Variants in ANTXR1 observed in about 807,000 individuals in gnomAD.
ANTXR1 encodes ANTXR cell adhesion molecule 1.
A neutral mutation model predicts 78.1 loss-of-function variants in ANTXR1; 19 were observed. That is an observed-to-expected ratio of 0.24 (90% CI 0.17 to 0.36). The LOEUF is 0.36. Among genes scored for constraint, ANTXR1 ranks in the 10% least tolerant of loss-of-function variants. The pLI, the probability that ANTXR1 is intolerant of heterozygous loss-of-function variation, is 1.00. For missense variants in ANTXR1, 518 were observed against 718.6 expected (o/e 0.72, Z 3.19); for synonymous variants, 273 against 260.5 (o/e 1.05, Z -0.46).
chr2:69,045,800 C>A (rs903078099), intron 3 of ANTXR1, among the ~76,000 whole-genome samples: 1 of 152,018 alleles, frequency 6.6e-6, no homozygotes, highest in Non-Finnish European at 1.5e-5. Flanking sequence ...ACTCCTTCAA[C>A]CTGATCTACT....
chr2:69,148,718 T>A (rs1289967688), intron 12 of ANTXR1, among the ~76,000 whole-genome samples: 1 of 152,210 alleles, frequency 6.6e-6, no homozygotes, highest in Non-Finnish European at 1.5e-5. Flanking sequence ...TCATTATTCT[T>A]ATTCCACCAA....
chr2:69,100,509 A>T (rs1047968138), intron 9 of ANTXR1, among the ~76,000 whole-genome samples: 1 of 152,214 alleles, frequency 6.6e-6, no homozygotes, highest in African/African-American at 2.4e-5. Context: ...CCAAGCAGAC[A>T]TGCAGGCAGC....
intron 17 of ANTXR1, among the ~76,000 whole-genome samples, chr2:69,209,931 CTAAT>C (rs756538424): frequency 1.2e-4 from 19 of 152,162 alleles, no homozygotes; most frequent in Non-Finnish European, 2.1e-4. Context: ...CTGCCTGCCT[CTAAT>C]TAACATTCTA....
At chr2:69,157,647 T>C (rs538129257) in intron 13 of ANTXR1, among the ~76,000 whole-genome samples, 1 of 152,158 alleles carries the variant, frequency 6.6e-6, no homozygotes, top group South Asian at 2.1e-4. Context: ...CCTCATCTTA[T>C]CTCACATCTG....
chr2:69,055,599 A>C (rs1443749287), intron 3 of ANTXR1, among the ~76,000 whole-genome samples: 4 of 152,200 alleles, frequency 2.6e-5, no homozygotes, highest in Admixed American at 2.0e-4. Flanking sequence ...CTCACGGTAT[A>C]GTATGAAGTG....
At position 69,245,778 on chromosome 2, in the gene ANTXR1, C is replaced by A; in HGVS notation, c.*293C>A. ...CAAGATGCTCTCAACAGGATTATGTCTCATGGAGACCAGTAAGAAAATCAT... is the reference window on the plus strand; with the variant it reads ...CAAGATGCTCTCAACAGGATTATGTATCATGGAGACCAGTAAGAAAATCAT... On this transcript the variant is annotated 3_prime_UTR_variant, in exon 18 of 18. Coordinates refer to ENST00000303714, the MANE Select transcript of ANTXR1 (RefSeq NM_032208.3). 2.8e-6 allele frequency: 1 copy of A among 356,928 alleles called. No individual in the cohort carries two copies. The highest frequency in any genetic ancestry group is 5.1e-6 in the Non-Finnish European group (1 of 197,466). 22.1% of individuals were successfully genotyped at this position (356,928 alleles called of 1,614,324 possible). A position where few individuals can be genotyped will look rare whatever the true frequency, so the allele number is the denominator to read the frequency against.
At chr2:69,027,516 C>A (rs997255994) in intron 1 of ANTXR1, among the ~76,000 whole-genome samples, 3 of 152,166 alleles carry the variant, frequency 2.0e-5, no homozygotes, top group Non-Finnish European at 2.9e-5. Flanking sequence ...TCCCCACTCT[C>A]CCCTAACTGA....
intron 3 of ANTXR1, among the ~76,000 whole-genome samples, chr2:69,067,324 C>T (rs1240029990): frequency 1.4e-5 from 2 of 143,936 alleles, no homozygotes; most frequent in Non-Finnish European, 3.0e-5. Context: ...AAAAAAAAGT[C>T]AAGAAAATAC....
At chr2:69,244,870 T>C (rs530914980) in intron 17 of ANTXR1, among the ~76,000 whole-genome samples, 68 of 152,330 alleles carry the variant, frequency 4.5e-4, no homozygotes, top group African/African-American at 1.6e-3. Context: ...TCTGAACCTC[T>C]GCTTCCTCAT....
chr2:69,168,472 C>T (rs989124967), intron 13 of ANTXR1, among the ~76,000 whole-genome samples: 14 of 152,162 alleles, frequency 9.2e-5, no homozygotes, highest in African/African-American at 9.7e-5. Context: ...CTCATAGCAC[C>T]GTGGAGACAA....
intron 1 of ANTXR1, among the ~76,000 whole-genome samples, chr2:69,034,459 G>A (rs919562473): frequency 2.0e-5 from 3 of 152,196 alleles, no homozygotes; most frequent in Non-Finnish European, 4.4e-5. Context: ...TGAAACACAG[G>A]CACAAAATCC....
At chr2:69,113,485 C>T (rs1402286000) in intron 10 of ANTXR1, among the ~76,000 whole-genome samples, 1 of 152,218 alleles carries the variant, frequency 6.6e-6, no homozygotes, top group Non-Finnish European at 1.5e-5. Context: ...GAAGAAAGTG[C>T]TCCTGGTGGC....
intron 17 of ANTXR1, among the ~76,000 whole-genome samples, chr2:69,223,083 T>C (rs552031854): frequency 6.6e-6 from 1 of 152,304 alleles, no homozygotes; most frequent in South Asian, 2.1e-4. Context: ...GAGCTGGCTC[T>C]CCTCCAGCCT....
At chr2:69,107,118 C>T (rs1671833370) in intron 10 of ANTXR1, among the ~76,000 whole-genome samples, 1 of 151,994 alleles carries the variant, frequency 6.6e-6, no homozygotes, top group African/African-American at 2.4e-5. Context: ...ATTTCATCCC[C>T]CCCCCGAACG....
At chr2:69,168,189 G>T (rs993414539) in intron 13 of ANTXR1, among the ~76,000 whole-genome samples, 3 of 152,180 alleles carry the variant, frequency 2.0e-5, no homozygotes, top group Non-Finnish European at 4.4e-5. Flanking sequence ...TGCAGGGGGG[G>T]TATGAAAGAT....
intron 17 of ANTXR1, among the ~76,000 whole-genome samples, chr2:69,241,051 G>C (rs545972090): frequency 2.0e-5 from 3 of 152,286 alleles, no homozygotes; most frequent in Admixed American, 1.3e-4. Flanking sequence ...TTGCTAATGT[G>C]TGAAAATAAT....
intron 13 of ANTXR1, among the ~76,000 whole-genome samples, chr2:69,164,064 G>T (rs768976928): frequency 6.6e-6 from 1 of 152,168 alleles, no homozygotes; most frequent in African/African-American, 2.4e-5. Flanking sequence ...CAGACTGTGC[G>T]TGTAGTTTTC....
At chr2:69,202,238 A>G (rs1397411047) in intron 17 of ANTXR1, among the ~76,000 whole-genome samples, 1 of 152,216 alleles carries the variant, frequency 6.6e-6, no homozygotes, top group Non-Finnish European at 1.5e-5. Context: ...CAAGAGAAAG[A>G]GAAGTTGTAA....
chr2:69,090,740 C>T, intron 8 of ANTXR1, 119 bp from the exon 9 acceptor site: 3 of 955,270 alleles, frequency 3.1e-6, no homozygotes, highest in Non-Finnish European at 5.0e-6. Flanking sequence ...CGCACCCCCA[C>T]CGCAACCAAA....
Sources: allele counts gnomAD v4.1 joint callset (sites outside exome capture counted in the v4.1 genomes callset), GRCh38; gene constraint gnomAD v4.1.1; transcripts MANE v1.5; gene names NCBI Gene and HGNC (gene_info 2026-07-23, HGNC 2026-07-21).